CENPK: variants seen among roughly 807,000 people sequenced by gnomAD.
The protein encoded by CENPK is centromere protein K, also known as SoxLZ/Sox6-binding protein Solt.
Under a neutral mutation model 40.9 loss-of-function variants are expected in CENPK, and 46 were observed. That is an observed-to-expected ratio of 1.13 (90% confidence interval 0.89 to 1.44). CENPK has a LOEUF of 1.44. Among genes scored for constraint, CENPK ranks in the 40% most tolerant of loss-of-function variants. The pLI is 0.00. For synonymous variants in CENPK, 107 were observed against 104.4 expected (o/e 1.02, Z -0.15); for missense variants, 288 against 303.5 (o/e 0.95, Z 0.38).
chr5:65,514,919 T>G (rs79781605), downstream of CENPK, among the ~76,000 whole-genome samples: 2 of 151,950 alleles, frequency 1.3e-5, no homozygotes, highest in Non-Finnish European at 2.9e-5. Flanking sequence ...GCACCTCTTT[T>G]CATTTCTGAT....
chr5:65,497,753 C>T, the CENPK span, among the ~76,000 whole-genome samples: 2 of 152,178 alleles, frequency 1.3e-5, no homozygotes, highest in Non-Finnish European at 2.9e-5. Context: ...GCCTGTAATT[C>T]CAGCACTTTT....
downstream of CENPK, among the ~76,000 whole-genome samples, chr5:65,516,070 A>C (rs948281865): frequency 6.6e-6 from 1 of 152,146 alleles, no homozygotes; most frequent in Non-Finnish European, 1.5e-5. Context: ...TCAGGGTGCC[A>C]CCTAACCTTA....
intron 10 of CENPK, 50 bp downstream of exon 10, chr5:65,521,425 C>T (rs372756418): frequency 4.9e-6 from 7 of 1,439,634 alleles, no homozygotes; most frequent in Middle Eastern, 1.8e-4. Context: ...TAATTGTTCA[C>T]AAATGACTAA....
downstream of CENPK, chr5:65,517,637 A>G (rs548643333): frequency 3.9e-5 from 6 of 152,298 alleles, no homozygotes; most frequent in East Asian, 1.2e-3. Context: ...TAGAAAACTA[A>G]TGATACTAAA....
chr5:65,551,476 A>G (rs1006376777), intron 5 of CENPK, 88 bp downstream of exon 5: 2 of 738,778 alleles, frequency 2.7e-6, no homozygotes, highest in Non-Finnish European at 2.1e-6. Context: ...AAAAGGCCAA[A>G]TGGATCTTGT....
chr5:65,502,643 C>T, the CENPK span, among the ~76,000 whole-genome samples: 1 of 152,020 alleles, frequency 6.6e-6, no homozygotes. Flanking sequence ...TAGGGTCTCA[C>T]TCTGTCACCC....
chr5:65,563,166 T>C lies in CENPK; in HGVS notation c.-210A>G. On this transcript the variant is annotated 5_prime_UTR_variant, in exon 1 of 11. Coordinates refer to ENST00000396679, the MANE Select transcript of CENPK (RefSeq NM_022145.5). ...GAAGCGCTTGCCAGCCCCGGACTTCTGCGCGCGCTGCATGCCCATTGGATG... is the reference window on the plus strand; with the variant it reads ...GAAGCGCTTGCCAGCCCCGGACTTCCGCGCGCGCTGCATGCCCATTGGATG... 9.1e-7 allele frequency: 1 copy of C among 1,104,688 alleles called. No individual in the cohort carries two copies. The highest frequency in any genetic ancestry group is 1.3e-6 in the Non-Finnish European group (1 of 787,032). 68.4% of individuals were successfully genotyped at this position (1,104,688 alleles called of 1,614,324 possible). A position where few individuals can be genotyped will look rare whatever the true frequency, so the allele number is the denominator to read the frequency against.
intron 6 of CENPK, 86 bp from the exon 7 acceptor site, chr5:65,529,285 G>T: frequency 1.2e-6 from 1 of 840,110 alleles, no homozygotes; most frequent in Non-Finnish European, 1.9e-6. Flanking sequence ...CAGTGGTCCA[G>T]GATACTTCCA....
intron 9 of CENPK, 42 bp from the exon 10 acceptor site, chr5:65,521,570 T>G (rs772570502): frequency 7.8e-7 from 1 of 1,278,902 alleles, no homozygotes. Flanking sequence ...CCACTTCACT[T>G]CTGCCAATGG....
intron 6 of CENPK, among the ~76,000 whole-genome samples, chr5:65,532,810 G>C (rs544248152): frequency 4.9e-4 from 71 of 144,850 alleles, no homozygotes; most frequent in African/African-American, 1.8e-3. Context: ...TTGGGAGGCT[G>C]AAGCAGGAGA....
the CENPK span, among the ~76,000 whole-genome samples, chr5:65,499,424 T>C: frequency 6.6e-6 from 1 of 151,710 alleles, no homozygotes; most frequent in Non-Finnish European, 1.5e-5. Flanking sequence ...TAAGGTATCC[T>C]TTCTCTCTCA....
chr5:65,507,601 T>C, the CENPK span, among the ~76,000 whole-genome samples: 2 of 152,200 alleles, frequency 1.3e-5, no homozygotes, highest in Non-Finnish European at 2.9e-5. Flanking sequence ...AGGTTTTAAA[T>C]TGCTTCAGTC....
chr5:65,501,390 G>A, the CENPK span, among the ~76,000 whole-genome samples: 1 of 151,888 alleles, frequency 6.6e-6, no homozygotes, highest in South Asian at 2.1e-4. Flanking sequence ...TGTTGGCCAG[G>A]CTGGTCCCGA....
downstream of CENPK, among the ~76,000 whole-genome samples, chr5:65,515,311 C>T (rs1050217354): frequency 6.6e-6 from 1 of 150,472 alleles, no homozygotes; most frequent in Non-Finnish European, 1.5e-5. Flanking sequence ...TCAGGCCATC[C>T]TCCGCCTCAG....
At chr5:65,534,050 CA>C (rs60018569) in intron 6 of CENPK, among the ~76,000 whole-genome samples, 48 of 90,990 alleles carry the variant, frequency 5.3e-4, no homozygotes, top group Middle Eastern at 8.1e-3. Flanking sequence ...ACCGTCTCAA[CA>C]AAAAAAAAAA....
chr5:65,536,792 A>G (rs1746987824), intron 6 of CENPK, among the ~76,000 whole-genome samples: 1 of 152,134 alleles, frequency 6.6e-6, no homozygotes, highest in South Asian at 2.1e-4. Flanking sequence ...TATTTCTTCT[A>G]TTATTCCAAC....
downstream of CENPK, among the ~76,000 whole-genome samples, chr5:65,517,569 G>C (rs1301028180): frequency 6.6e-6 from 1 of 152,106 alleles, no homozygotes; most frequent in Non-Finnish European, 1.5e-5. Flanking sequence ...GTAAGCCAGA[G>C]ACTTGGATAA....
At chr5:65,512,767 C>A (rs1758698612), downstream of CENPK, among the ~76,000 whole-genome samples, 1 of 152,122 alleles carries the variant, frequency 6.6e-6, no homozygotes, top group Non-Finnish European at 1.5e-5. Flanking sequence ...TGTATTAGGG[C>A]TATATTTAGC....
intron 5 of CENPK, chr5:65,551,193 T>G (rs1749953741): frequency 2.6e-6 from 1 of 380,722 alleles, no homozygotes; most frequent in African/African-American, 2.5e-5. Flanking sequence ...GGGGCTGCAA[T>G]GAGCCATGAT....
Sources: gnomAD v4.1 joint callset for allele counts (sites outside exome capture counted in the v4.1 genomes callset) on GRCh38, gnomAD v4.1.1 for gene constraint, MANE v1.5 for transcripts, NCBI Gene and HGNC (gene_info 2026-07-23, HGNC 2026-07-21) for gene names.